TTC28: variants seen among roughly 807,000 people sequenced by gnomAD.
The protein encoded by TTC28 is tetratricopeptide repeat domain 28.
TTC28 carries 61 observed loss-of-function variants against 198.0 expected under a neutral mutation model. That is an observed-to-expected ratio of 0.31 (90% CI 0.25 to 0.38). The LOEUF is 0.38. TTC28 is among the 10% of genes least tolerant of loss of function. The pLI, the probability that TTC28 is intolerant of heterozygous loss-of-function variation, is 1.00. For missense variants in TTC28, 2,678 were observed against 3,164.0 expected, an observed-to-expected ratio of 0.85 and a Z score of 3.69; for synonymous variants, 1,171 against 1,297.8, an observed-to-expected ratio of 0.90 and a Z score of 2.10.
chr22:28,271,923 G>T (rs1932105981), intron 5 of TTC28, among the ~76,000 whole-genome samples: 1 of 151,776 alleles, frequency 6.6e-6, no homozygotes, highest in Non-Finnish European at 1.5e-5. Flanking sequence ...TTTTATAAGG[G>T]TTTCCCCTTT....
chr22:28,003,057 C>G (rs2146554343), intron 14 of TTC28, among the ~76,000 whole-genome samples: 1 of 152,302 alleles, frequency 6.6e-6, no homozygotes, highest in African/African-American at 2.4e-5. Context: ...ATTGTGCAAC[C>G]TAGGCAGGAA....
chr22:28,539,482 A>G (rs2145927164), intron 2 of TTC28, among the ~76,000 whole-genome samples: 1 of 152,076 alleles, frequency 6.6e-6, no homozygotes, highest in East Asian at 1.9e-4. Flanking sequence ...AAAAATATAC[A>G]AAACTTAGCC....
intron 2 of TTC28, among the ~76,000 whole-genome samples, chr22:28,523,117 TTAAA>T (rs895152310): frequency 1.3e-5 from 2 of 151,918 alleles, no homozygotes; most frequent in Non-Finnish European, 2.9e-5. Flanking sequence ...GAGATATACT[TTAAA>T]TATAAAGACA....
chr22:28,001,312 T>A (rs1003444824), intron 15 of TTC28, 62 bp downstream of exon 15: 2 of 1,510,160 alleles, frequency 1.3e-6, no homozygotes, highest in Non-Finnish European at 1.8e-6. Flanking sequence ...TCCGACCAGA[T>A]AGACGGTGCC....
rs544672920 is a variant in TTC28, at chr22:28,521,052, G to A, written c.381+108500C>T. Among the ~76,000 whole-genome samples the A allele has an allele frequency of 4.6e-5, 7 of 151,874 alleles. No individual in the cohort carries two copies. In the South Asian group the frequency reaches 6.3e-4, roughly 14 times the overall value. On this transcript the variant is annotated intron_variant, in intron 2 of 22. Transcript: ENST00000397906. The stretch of plus-strand genomic sequence containing the variant: ...GGGTGACAGGGCAAGACTCTATCTC[G>A]AACAAAACAAAACAAAACAAATTCC...
At chr22:28,584,819 C>A (rs1317368065) in intron 2 of TTC28, among the ~76,000 whole-genome samples, 1 of 152,024 alleles carries the variant, frequency 6.6e-6, no homozygotes, top group Non-Finnish European at 1.5e-5. Context: ...GTCTGCTTTA[C>A]AAGAGAATGA....
intron 2 of TTC28, among the ~76,000 whole-genome samples, chr22:28,534,714 C>T (rs956658994): frequency 1.3e-5 from 2 of 152,128 alleles, no homozygotes; most frequent in African/African-American, 4.8e-5. Context: ...ACATATACAG[C>T]ATGGAATGCT....
chr22:28,673,255 T>G (rs572102711), intron 1 of TTC28, among the ~76,000 whole-genome samples: 1 of 152,198 alleles, frequency 6.6e-6, no homozygotes, highest in East Asian at 1.9e-4. Flanking sequence ...GCGCCTGTAG[T>G]CCCAGCTACT....
chr22:28,387,830 C>T (rs2146049350), intron 2 of TTC28, among the ~76,000 whole-genome samples: 1 of 152,166 alleles, frequency 6.6e-6, no homozygotes, highest in Admixed American at 6.5e-5. Flanking sequence ...TTTTGCTGTG[C>T]AGAAGCTCTT....
intron 2 of TTC28, among the ~76,000 whole-genome samples, chr22:28,478,902 A>G (rs1568969635): frequency 6.6e-6 from 1 of 152,130 alleles, no homozygotes; most frequent in African/African-American, 2.4e-5. Flanking sequence ...ACCCTCATTT[A>G]TTGTCTTCTC....
chr22:28,428,479 T>A (rs1276922665), intron 2 of TTC28, among the ~76,000 whole-genome samples: 1 of 152,150 alleles, frequency 6.6e-6, no homozygotes, highest in Non-Finnish European at 1.5e-5. Context: ...GTGGTACCAC[T>A]GTTATTGTAC....
At chr22:28,157,886 A>T (rs1417124261) in intron 6 of TTC28, among the ~76,000 whole-genome samples, 1 of 152,212 alleles carries the variant, frequency 6.6e-6, no homozygotes, top group Non-Finnish European at 1.5e-5. Flanking sequence ...TACCACTGTT[A>T]TTCAACATAG....
At chr22:28,626,943 C>T (rs1601637115) in intron 2 of TTC28, among the ~76,000 whole-genome samples, 2 of 151,420 alleles carry the variant, frequency 1.3e-5, no homozygotes, top group East Asian at 3.9e-4. Flanking sequence ...ACAAGAAGTG[C>T]CAGGAGAAGT....
At chr22:28,026,726 G>A (rs1265718526) in intron 13 of TTC28, among the ~76,000 whole-genome samples, 2 of 152,204 alleles carry the variant, frequency 1.3e-5, no homozygotes, top group Non-Finnish European at 2.9e-5. Context: ...CTCTGGCCCT[G>A]TTGTGCACCT....
chr22:28,170,223 C>T (rs1270606631), intron 5 of TTC28, among the ~76,000 whole-genome samples: 1 of 152,074 alleles, frequency 6.6e-6, no homozygotes, highest in African/African-American at 2.4e-5. Context: ...TGCGGTGGCT[C>T]ACACCTGTAA....
chr22:28,455,118 A>C (rs576350036), intron 2 of TTC28, among the ~76,000 whole-genome samples: 3 of 152,330 alleles, frequency 2.0e-5, no homozygotes, highest in Non-Finnish European at 4.4e-5. Flanking sequence ...AATTCAGAAG[A>C]TCCAACCCCC....
At chr22:28,530,962 C>T (rs113631071) in intron 2 of TTC28, among the ~76,000 whole-genome samples, 1 of 152,110 alleles carries the variant, frequency 6.6e-6, no homozygotes, top group Non-Finnish European at 1.5e-5. Context: ...ACATGCCAAA[C>T]TGTAAAGACC....
chr22:27,997,368 GT>G (rs1043702111), intron 16 of TTC28: 4 of 152,318 alleles, frequency 2.6e-5, no homozygotes, highest in Non-Finnish European at 5.9e-5. Flanking sequence ...AAATACTACA[GT>G]TGTGTTTGTA....
intron 6 of TTC28, among the ~76,000 whole-genome samples, chr22:28,122,275 G>A (rs903677409): frequency 2.6e-5 from 4 of 152,230 alleles, no homozygotes; most frequent in African/African-American, 4.8e-5. Flanking sequence ...CTTAAGAGGC[G>A]AGAATATAAG....
Sources: gnomAD v4.1 joint callset for allele counts (sites outside exome capture counted in the v4.1 genomes callset) on GRCh38, gnomAD v4.1.1 for gene constraint, MANE v1.5 for transcripts, NCBI Gene and HGNC (gene_info 2026-07-23, HGNC 2026-07-21) for gene names.